HS1BP3: variants seen among roughly 807,000 people sequenced by gnomAD.
HS1BP3 encodes HCLS1 binding protein 3.
HS1BP3 carries 32 observed loss-of-function variants against 33.5 expected under a neutral mutation model. The ratio of observed to expected loss-of-function variants is 0.95; its 90% CI spans 0.72 to 1.28. The LOEUF is 1.28. Among genes scored for constraint, HS1BP3 ranks in the 50% most tolerant of loss-of-function variants. HS1BP3 has a pLI of 0.00. For missense variants in HS1BP3, 486 were observed against 502.3 expected (o/e 0.97, Z 0.31); for synonymous variants, 187 against 209.2 (o/e 0.89, Z 0.92).
intron 5 of HS1BP3, among the ~76,000 whole-genome samples, chr2:20,585,220 C>A (rs1401648859): frequency 6.6e-6 from 1 of 152,184 alleles, no homozygotes; most frequent in African/African-American, 2.4e-5. Context: ...GCCTCTGCAG[C>A]TGTGGAGAGA....
chr2:20,567,490 G>A (rs1289000223), intron 5 of HS1BP3, among the ~76,000 whole-genome samples: 5 of 152,016 alleles, frequency 3.3e-5, no homozygotes, highest in Non-Finnish European at 7.4e-5. Flanking sequence ...TGGTAAGTTC[G>A]TTAAGACAGA....
chr2:20,569,314 C>T (rs763269400), intron 5 of HS1BP3, among the ~76,000 whole-genome samples: 9 of 152,160 alleles, frequency 5.9e-5, no homozygotes, highest in Non-Finnish European at 1.0e-4. Context: ...CAGGAAGTTA[C>T]GTATTTTGTT....
chr2:20,609,260 C>A (rs1694265345), intron 2 of HS1BP3, among the ~76,000 whole-genome samples: 1 of 152,188 alleles, frequency 6.6e-6, no homozygotes, highest in South Asian at 2.1e-4. Context: ...GGGCTCTAGT[C>A]CTCGCTCTCT....
At chr2:20,628,324 T>C (rs1017526766) in intron 4 of HS1BP3, among the ~76,000 whole-genome samples, 1 of 152,132 alleles carries the variant, frequency 6.6e-6, no homozygotes, top group Non-Finnish European at 1.5e-5. Flanking sequence ...GTGAGGTGGC[T>C]TATGCCTGTA....
chr2:20,603,513 A>C (rs1199807304), intron 2 of HS1BP3, among the ~76,000 whole-genome samples: 1 of 152,224 alleles, frequency 6.6e-6, no homozygotes, highest in African/African-American at 2.4e-5. Flanking sequence ...ATTATCCCAT[A>C]TATATAAAAT....
At chr2:20,629,794 C>T (rs1475923782) in intron 4 of HS1BP3, among the ~76,000 whole-genome samples, 1 of 152,242 alleles carries the variant, frequency 6.6e-6, no homozygotes. Flanking sequence ...CCATGTTCTG[C>T]AGGCGGGCGT....
At chr2:20,612,059 A>C (rs1461600203) in intron 2 of HS1BP3, among the ~76,000 whole-genome samples, 1 of 152,248 alleles carries the variant, frequency 6.6e-6, no homozygotes, top group Non-Finnish European at 1.5e-5. Context: ...AATACTATGC[A>C]TCAGGTATTG....
chr2:20,646,317 C>T (rs1439176751), intron 1 of HS1BP3, among the ~76,000 whole-genome samples: 1 of 152,202 alleles, frequency 6.6e-6, no homozygotes, highest in Non-Finnish European at 1.5e-5. Flanking sequence ...GAGGTGAGAC[C>T]TCCTGTGTGC....
At chr2:20,560,616 A>G (rs535483895) in intron 5 of HS1BP3, 1 of 152,352 alleles carries the variant, frequency 6.6e-6, no homozygotes, top group East Asian at 1.9e-4. Context: ...ATGGTTGTCT[A>G]CACACACCTG....
chr2:20,555,879 C>G (rs896961743), downstream of HS1BP3, among the ~76,000 whole-genome samples: 2 of 152,190 alleles, frequency 1.3e-5, no homozygotes, highest in East Asian at 1.9e-4. Context: ...TTCTCACTCC[C>G]CTTCCCCACT....
chr2:20,600,137 A>T (rs1345454325), intron 2 of HS1BP3, among the ~76,000 whole-genome samples: 1 of 152,180 alleles, frequency 6.6e-6, no homozygotes, highest in Non-Finnish European at 1.5e-5. Context: ...CTGGCCTTGT[A>T]GCCTGTTAGT....
intron 3 of HS1BP3, among the ~76,000 whole-genome samples, chr2:20,594,403 A>T (rs1054481509): frequency 6.6e-6 from 1 of 152,226 alleles, no homozygotes; most frequent in Non-Finnish European, 1.5e-5. Context: ...TTTTGAGCTT[A>T]CTTTGGTGCA....
At chr2:20,642,995 C>T (rs1022168576) in intron 2 of HS1BP3, among the ~76,000 whole-genome samples, 11 of 152,236 alleles carry the variant, frequency 7.2e-5, no homozygotes, top group Admixed American at 2.6e-4. Context: ...AATCAGTACA[C>T]GTTTATATTA....
Position 20,631,100 on chromosome 2 carries a change from G to C in HS1BP3, c.624-6208C>G, listed in dbSNP as rs572873108. ...AAATGCTTCGCAAGCTGCCAAGTGG[G>C]TCCTGGATGCAAGTCAGCGCAGGGC... is the stretch of plus-strand genomic sequence containing the variant. On this transcript the variant is annotated intron_variant, in intron 4 of 6. Coordinates refer to ENST00000304031, the MANE Select transcript of HS1BP3 (RefSeq NM_022460.4). Among the ~76,000 whole-genome samples the C allele has an allele frequency of 4.6e-5, 7 of 152,276 alleles. 1 individual carries two copies. Among genetic ancestry groups the C allele is most frequent in the South Asian group, 2.1e-4 (1 of 4,824 alleles).
downstream of HS1BP3, among the ~76,000 whole-genome samples, chr2:20,589,484 G>A (rs187962929): frequency 6.6e-5 from 10 of 152,320 alleles, no homozygotes; most frequent in East Asian, 1.9e-4. Flanking sequence ...AGAGGCTGCC[G>A]ATGAAGAGAT....
At chr2:20,569,296 C>T (rs1343396488) in intron 5 of HS1BP3, among the ~76,000 whole-genome samples, 2 of 152,192 alleles carry the variant, frequency 1.3e-5, no homozygotes, top group Admixed American at 1.3e-4. Context: ...CAGACAATAA[C>T]GTGTCCTCAG....
intron 2 of HS1BP3, among the ~76,000 whole-genome samples, chr2:20,601,295 T>C (rs1393664267): frequency 6.6e-6 from 1 of 152,248 alleles, no homozygotes; most frequent in African/African-American, 2.4e-5. Context: ...CTTTCACTAC[T>C]GATAAACCAT....
intron 5 of HS1BP3, among the ~76,000 whole-genome samples, chr2:20,580,851 C>T (rs1693516500): frequency 6.6e-6 from 1 of 152,188 alleles, no homozygotes; most frequent in Non-Finnish European, 1.5e-5. Context: ...GGAAGTTATT[C>T]TTGAAAATCA....
Position 20,624,897 on chromosome 2 carries a change from A to T in HS1BP3, c.624-5T>A, listed in dbSNP as rs1694727825. ...TGTTTCTTGGGCTTCTTGGAGCTGGAGAATCACAGACAAAGCACAAGGTGA... is the reference window on the plus strand; with the variant it reads ...TGTTTCTTGGGCTTCTTGGAGCTGGTGAATCACAGACAAAGCACAAGGTGA... On this transcript the variant is annotated splice_region_variant and splice_polypyrimidine_tract_variant and intron_variant, in intron 4 of 6. Coordinates refer to ENST00000304031, the MANE Select transcript of HS1BP3 (RefSeq NM_022460.4). The T allele has an allele frequency of 2.5e-6, 4 of 1,613,358 alleles. No individual in the cohort carries two copies. Among genetic ancestry groups the T allele is most frequent in the Admixed American group, 1.7e-5 (1 of 59,966 alleles).
Sources: allele counts gnomAD v4.1 joint callset (sites outside exome capture counted in the v4.1 genomes callset), GRCh38; gene constraint gnomAD v4.1.1; transcripts MANE v1.5; gene names NCBI Gene and HGNC (gene_info 2026-07-23, HGNC 2026-07-21).